The following GALNT17 variants were observed in gnomAD, a reference collection of about 807,000 sequenced individuals.
GALNT17 encodes polypeptide N-acetylgalactosaminyltransferase 17.
In GALNT17, 29 loss-of-function variants were observed where a neutral mutation model predicts 63.7. The observed-to-expected ratio is 0.46, with a 90% CI of 0.34 to 0.62. The LOEUF is 0.62. Ranked by LOEUF, GALNT17 falls within the 20% of genes least tolerant of loss-of-function variation. The pLI is 0.01. For synonymous variants in GALNT17, 305 were observed against 318.3 expected (o/e 0.96, Z 0.45); for missense variants, 603 against 799.6 (o/e 0.75, Z 2.97).
intron 6 of GALNT17, among the ~76,000 whole-genome samples, chr7:71,598,323 T>C (rs1306412894): frequency 6.6e-6 from 1 of 152,172 alleles, no homozygotes; most frequent in Non-Finnish European, 1.5e-5. Context: ...CTAGAAGAGA[T>C]GTGTCACTCT....
intron 2 of GALNT17, among the ~76,000 whole-genome samples, chr7:71,360,479 T>G (rs1473406723): frequency 7.2e-6 from 1 of 139,728 alleles, no homozygotes; most frequent in African/African-American, 3.0e-5. Flanking sequence ...GTTATCACTT[T>G]AATTACTGCA....
intron 6 of GALNT17, among the ~76,000 whole-genome samples, chr7:71,662,874 T>C (rs559182202): frequency 6.6e-6 from 1 of 152,358 alleles, no homozygotes; most frequent in East Asian, 1.9e-4. Flanking sequence ...TTGATCCATT[T>C]TGAGTTAATT....
At chr7:71,576,529 TTG>T (rs3048366) in intron 6 of GALNT17, among the ~76,000 whole-genome samples, 2,641 of 142,836 alleles carry the variant, frequency 0.018, 33 homozygotes, top group African/African-American at 0.039. Flanking sequence ...TTTTTTAACT[TTG>T]TGTGTGTGTG....
intron 1 of GALNT17, among the ~76,000 whole-genome samples, chr7:71,264,113 T>G (rs909691908): frequency 6.6e-6 from 1 of 152,180 alleles, no homozygotes; most frequent in African/African-American, 2.4e-5. Flanking sequence ...ATTAGCTTTT[T>G]GAACATTTTG....
intron 2 of GALNT17, among the ~76,000 whole-genome samples, chr7:71,373,436 C>G (rs1004303274): frequency 6.6e-6 from 1 of 152,060 alleles, no homozygotes; most frequent in South Asian, 2.1e-4. Flanking sequence ...TCTTGTCTGC[C>G]AGGACCGAGT....
chr7:71,593,946 C>T (rs1032678978), intron 6 of GALNT17, among the ~76,000 whole-genome samples: 2 of 152,084 alleles, frequency 1.3e-5, no homozygotes, highest in East Asian at 1.9e-4. Flanking sequence ...AGAACAACCA[C>T]GCAGGGAAAT....
At chr7:71,363,468 G>A (rs1203856615) in intron 2 of GALNT17, among the ~76,000 whole-genome samples, 11 of 152,156 alleles carry the variant, frequency 7.2e-5, no homozygotes, top group Admixed American at 7.2e-4. Flanking sequence ...AATGCCAGCC[G>A]CCAGTTTGGC....
intron 3 of GALNT17, among the ~76,000 whole-genome samples, chr7:71,414,654 C>T (rs1439484527): frequency 2.6e-5 from 4 of 152,140 alleles, no homozygotes; most frequent in African/African-American, 7.2e-5. Context: ...ACATCCTGTT[C>T]CTGGGAAGAG....
chr7:71,166,305 T>C (rs766210432), intron 1 of GALNT17, among the ~76,000 whole-genome samples: 4 of 152,232 alleles, frequency 2.6e-5, no homozygotes, highest in Admixed American at 1.3e-4. Flanking sequence ...CCTCTCTTTA[T>C]TATTTACTTG....
intron 1 of GALNT17, among the ~76,000 whole-genome samples, chr7:71,288,776 A>G (rs1790924824): frequency 6.6e-6 from 1 of 152,164 alleles, no homozygotes; most frequent in South Asian, 2.1e-4. Context: ...TTGCTGGAGG[A>G]AGCCCAGCTA....
intron 3 of GALNT17, among the ~76,000 whole-genome samples, chr7:71,391,038 T>C (rs1291015789): frequency 6.6e-6 from 1 of 152,194 alleles, no homozygotes; most frequent in Non-Finnish European, 1.5e-5. Flanking sequence ...TACTAGCATG[T>C]GGTGTGTCTG....
intron 6 of GALNT17, among the ~76,000 whole-genome samples, chr7:71,603,241 G>A (rs191805696): frequency 6.8e-6 from 1 of 147,910 alleles, no homozygotes; most frequent in South Asian, 2.2e-4. Context: ...ACTGGATACT[G>A]TGCTAAGTGC....
At chr7:71,240,018 G>A (rs2116465040) in intron 1 of GALNT17, among the ~76,000 whole-genome samples, 1 of 152,278 alleles carries the variant, frequency 6.6e-6, no homozygotes, top group South Asian at 2.1e-4. Flanking sequence ...GGTGTTTTAA[G>A]AGACTTTGGA....
At chr7:71,637,310 C>T (rs1790541253) in intron 6 of GALNT17, among the ~76,000 whole-genome samples, 1 of 152,102 alleles carries the variant, frequency 6.6e-6, no homozygotes, top group South Asian at 2.1e-4. Context: ...CTCAGCCTCC[C>T]AAGTAGCTGG....
chr7:71,420,475 C>T (rs186647291), intron 4 of GALNT17, among the ~76,000 whole-genome samples: 1 of 152,266 alleles, frequency 6.6e-6, no homozygotes, highest in East Asian at 1.9e-4. Context: ...AAAGGGAATT[C>T]AGTGCCAGCA....
chr7:71,366,378 C>A (rs189758667), intron 2 of GALNT17, among the ~76,000 whole-genome samples: 1 of 152,042 alleles, frequency 6.6e-6, no homozygotes, highest in African/African-American at 2.4e-5. Flanking sequence ...GTCAAGAGAT[C>A]GAGACCATCC....
intron 1 of GALNT17, among the ~76,000 whole-genome samples, chr7:71,189,098 T>G (rs1461402839): frequency 1.3e-5 from 2 of 152,164 alleles, no homozygotes; most frequent in Non-Finnish European, 2.9e-5. Flanking sequence ...ATAATTCCCA[T>G]GTATTGTGGG....
At chr7:71,538,004 C>T (rs929671373) in intron 5 of GALNT17, among the ~76,000 whole-genome samples, 2 of 152,034 alleles carry the variant, frequency 1.3e-5, no homozygotes, top group Admixed American at 6.6e-5. Flanking sequence ...AGCCTGCCTA[C>T]GCCTTGATTT....
At chr7:71,145,560 T>C (rs1207854793) in intron 1 of GALNT17, among the ~76,000 whole-genome samples, 2 of 152,164 alleles carry the variant, frequency 1.3e-5, no homozygotes, top group African/African-American at 4.8e-5. Context: ...CTAGGACAAT[T>C]GGTAGCAAAC....
Sources: gnomAD v4.1 joint callset for allele counts (sites outside exome capture counted in the v4.1 genomes callset) on GRCh38, gnomAD v4.1.1 for gene constraint, MANE v1.5 for transcripts, NCBI Gene and HGNC (gene_info 2026-07-23, HGNC 2026-07-21) for gene names.